Variants in MTMR3 observed in about 807,000 individuals in gnomAD.
MTMR3 encodes the protein phosphatidylinositol-3,5-bisphosphate 3-phosphatase MTMR3.
MTMR3 carries 32 observed loss-of-function variants against 132.4 expected under a neutral mutation model. That is an observed-to-expected ratio of 0.24 (90% CI 0.18 to 0.32). The LOEUF (loss-of-function observed/expected upper bound fraction) is 0.32, where lower values mean the gene tolerates loss of function less well. Ranked by LOEUF, MTMR3 falls within the 10% of genes least tolerant of loss-of-function variation. The pLI is 1.00. For missense variants in MTMR3, 1,216 were observed against 1,489.6 expected, an observed-to-expected ratio of 0.82 and a Z score of 3.02; for synonymous variants, 556 against 550.3, an observed-to-expected ratio of 1.01 and a Z score of -0.14.
rs538014606 is a variant in MTMR3 at position 29,969,826 on chromosome 22, G to A, written c.-84-1150G>A. Among the ~76,000 whole-genome samples the A allele has an allele frequency of 5.3e-4, 81 of 152,200 alleles. 1 individual carries two copies. The South Asian group carries it at 6.2e-3, about 12-fold the overall frequency. On this transcript the variant is annotated intron_variant, in intron 2 of 19. Transcript: ENST00000401950. ...ATTACAGGCGTGAGCCACCACACCCGGCCAAAATGATTCTTTAGAGTAAGT... is the reference window on the plus strand; with the variant it reads ...ATTACAGGCGTGAGCCACCACACCCAGCCAAAATGATTCTTTAGAGTAAGT...
At chr22:29,946,172 G>A (rs1602533992) in intron 1 of MTMR3, among the ~76,000 whole-genome samples, 1 of 152,300 alleles carries the variant, frequency 6.6e-6, no homozygotes, top group Non-Finnish European at 1.5e-5. Context: ...GAAAATTGGT[G>A]TCAGATTTTG....
intron 1 of MTMR3, among the ~76,000 whole-genome samples, chr22:29,898,429 G>A (rs1432204769): frequency 2.0e-5 from 3 of 152,122 alleles, no homozygotes; most frequent in African/African-American, 7.2e-5. Context: ...TTGAGACAGG[G>A]TAGGTCTCTG....
At chr22:29,904,496 A>C (rs2065058671) in intron 1 of MTMR3, among the ~76,000 whole-genome samples, 1 of 152,204 alleles carries the variant, frequency 6.6e-6, no homozygotes, top group Non-Finnish European at 1.5e-5. Context: ...ATCTTGGGGA[A>C]GTTCTTTAAC....
chr22:29,930,244 A>G (rs1043124031), intron 1 of MTMR3, among the ~76,000 whole-genome samples: 1 of 152,216 alleles, frequency 6.6e-6, no homozygotes, highest in Non-Finnish European at 1.5e-5. Flanking sequence ...CATTACTGCA[A>G]AAAGAATTCC....
intron 1 of MTMR3, among the ~76,000 whole-genome samples, chr22:29,946,326 G>A (rs1031280016): frequency 4.6e-5 from 7 of 152,134 alleles, no homozygotes; most frequent in Non-Finnish European, 8.8e-5. Context: ...AGAGGTAAAG[G>A]TGCTAGATTG....
At chr22:29,963,276 T>C (rs1001021967) in intron 2 of MTMR3, among the ~76,000 whole-genome samples, 2 of 151,874 alleles carry the variant, frequency 1.3e-5, no homozygotes, top group South Asian at 2.1e-4. Context: ...AGAGGTGGGG[T>C]TTCACCATAT....
rs574840277 is a variant in MTMR3 at position 29,916,876 on chromosome 22, A to T, written c.-138+33517A>T. 6.6e-5 allele frequency among the ~76,000 whole-genome samples: 10 copies of T among 152,320 alleles called. No individual in the cohort carries two copies. In the South Asian group the frequency reaches 2.1e-3, roughly 32 times the overall value. On this transcript the variant is annotated intron_variant, in intron 1 of 19. Coordinates refer to ENST00000401950, the MANE Select transcript of MTMR3 (RefSeq NM_021090.4). ...AATGGGATTGTTAATAGTACCCTGG[A>T]TCTGCTACTTTACCAATTGCTCCCT...
At chr22:29,949,165 C>T (rs925645207) in intron 1 of MTMR3, among the ~76,000 whole-genome samples, 168 of 130,780 alleles carry the variant, frequency 1.3e-3, no homozygotes, top group Non-Finnish European at 2.2e-3. Context: ...CCCCCCGAGG[C>T]CCTGTCTTAA....
chr22:29,917,573 TA>T (rs367645791), intron 1 of MTMR3, among the ~76,000 whole-genome samples: 27 of 152,186 alleles, frequency 1.8e-4, no homozygotes, highest in African/African-American at 6.0e-4. Context: ...TGTGCAATTT[TA>T]AAAAAAAGTG....
rs777741244 is a variant in MTMR3, at chr22:30,020,250, A to G, written c.2591A>G (p.His864Arg). The G allele has an allele frequency of 2.5e-6, 4 of 1,614,116 alleles. No individual in the cohort carries two copies. The African/African-American group carries it at 4.0e-5, about 16-fold the overall frequency. The change falls in exon 17 of 20, where the codon CAT (histidine) becomes CGT (arginine). Residue 864 changes from histidine (H) to arginine (R), a missense_variant. His to Arg is a conservative substitution (Grantham distance 29). Transcript: ENST00000401950. ...TCAGTAAGTGGGCCCCAAGGTCATCATAGATCTTGCCTTGTAAATAGTGGC... is the reference window on the plus strand; with the variant it reads ...TCAGTAAGTGGGCCCCAAGGTCATCGTAGATCTTGCCTTGTAAATAGTGGC... ...VKSVSGPQGH[H>R]RSCLVNSGKD...
At chr22:29,963,027 C>G (rs989055451) in intron 2 of MTMR3, among the ~76,000 whole-genome samples, 3 of 151,834 alleles carry the variant, frequency 2.0e-5, no homozygotes, top group Non-Finnish European at 4.4e-5. Flanking sequence ...TCAAGTGATC[C>G]TCCCACTTTC....
intron 1 of MTMR3, among the ~76,000 whole-genome samples, chr22:29,888,574 T>C (rs1648828685): frequency 6.6e-6 from 1 of 152,166 alleles, no homozygotes; most frequent in South Asian, 2.1e-4. Flanking sequence ...ACAAAGCACA[T>C]GAACTTATGC....
intron 14 of MTMR3, chr22:30,016,168 A>G (rs1034305927): frequency 4.7e-6 from 1 of 213,884 alleles, no homozygotes; most frequent in African/African-American, 2.3e-5. Context: ...TTGTAGAATG[A>G]ACAAGTAGTT....
chr22:29,971,661 G>C (rs2066538620), intron 3 of MTMR3, among the ~76,000 whole-genome samples: 1 of 152,002 alleles, frequency 6.6e-6, no homozygotes, highest in Non-Finnish European at 1.5e-5. Context: ...TGATCCCATA[G>C]TAGGTGGAGC....
intron 1 of MTMR3, among the ~76,000 whole-genome samples, chr22:29,924,118 A>T (rs1216121097): frequency 1.3e-5 from 2 of 152,164 alleles, no homozygotes; most frequent in Non-Finnish European, 1.5e-5. Flanking sequence ...ATGCTATGTC[A>T]TGAAGCTTTT....
chr22:29,943,281 C>T (rs776039838), intron 1 of MTMR3, among the ~76,000 whole-genome samples: 1 of 152,030 alleles, frequency 6.6e-6, no homozygotes, highest in Non-Finnish European at 1.5e-5. Context: ...CAAGCTCTGC[C>T]TCCCAGGTTC....
chr22:30,012,430 C>T lies in MTMR3; in HGVS notation c.1184C>T (p.Ala395Val), dbSNP rs753833160. 13 of 1,614,048 alleles carry T rather than the reference C, an allele frequency of 8.1e-6. No homozygotes were observed. The highest frequency in any genetic ancestry group is 1.7e-5 in the Admixed American group (1 of 60,000). ...LHHLSVLLKSALLVVHAVDQD... is the reference protein window; with the variant it reads ...LHHLSVLLKSVLLVVHAVDQD... The stretch of plus-strand genomic sequence containing the variant: ...CACTTGTCTGTGCTTCTGAAATCAG[C>T]GCTTCTGGTAGTGCATGCTGTGGAT... The change falls in exon 13 of 20, where the codon GCG becomes GTG. Residue 395 changes from alanine (A) to valine (V), a missense_variant. Physicochemically the swap from Ala to Val is moderately conservative, Grantham distance 64. Coordinates refer to ENST00000401950, the MANE Select transcript of MTMR3 (RefSeq NM_021090.4).
intron 1 of MTMR3, among the ~76,000 whole-genome samples, chr22:29,946,924 G>A (rs1011143829): frequency 7.9e-5 from 12 of 152,000 alleles, no homozygotes; most frequent in African/African-American, 2.7e-4. Context: ...TATATACCAC[G>A]GCATGGAAAT....
intron 5 of MTMR3, chr22:29,979,506 C>CA: frequency 1.3e-5 from 3 of 239,280 alleles, no homozygotes; most frequent in South Asian, 9.9e-5. Flanking sequence ...AACAAACAAA[C>CA]AACAACAACA....
Sources: allele counts gnomAD v4.1 joint callset (sites outside exome capture counted in the v4.1 genomes callset), GRCh38; gene constraint gnomAD v4.1.1; transcripts MANE v1.5; gene names NCBI Gene and HGNC (gene_info 2026-07-23, HGNC 2026-07-21).